The following PHTF1 variants were observed in gnomAD, a reference collection of about 807,000 sequenced individuals.
PHTF1 encodes putative homeodomain transcription factor 1.
A neutral mutation model predicts 102.4 loss-of-function variants in PHTF1; 88 were observed. The ratio of observed to expected loss-of-function variants is 0.86; its 90% CI spans 0.72 to 1.03. PHTF1 has a LOEUF of 1.03. Among genes scored for constraint, PHTF1 ranks in the 50% least tolerant of loss-of-function variants. The probability of loss-of-function intolerance (pLI) is 0.00; values close to 1 mark genes in which losing one functional copy is unlikely to be tolerated. For synonymous variants in PHTF1, 289 were observed against 305.2 expected (o/e 0.95, Z 0.55); for missense variants, 814 against 909.5 (o/e 0.89, Z 1.35).
intron 6 of PHTF1, 148 bp from the exon 7 acceptor site, chr1:113,725,041 A>C: frequency 1.7e-6 from 1 of 589,790 alleles, no homozygotes; most frequent in South Asian, 2.9e-5. Context: ...CTATGCAAGA[A>C]CTTTCTGATT....
chr1:113,709,485 A>G (rs933265222), intron 11 of PHTF1, among the ~76,000 whole-genome samples: 1 of 152,232 alleles, frequency 6.6e-6, no homozygotes, highest in African/African-American at 2.4e-5. Context: ...AGCAACTGAA[A>G]GGTTGATAAG....
intron 3 of PHTF1, among the ~76,000 whole-genome samples, chr1:113,739,115 A>G (rs1328689360): frequency 1.3e-5 from 2 of 152,130 alleles, no homozygotes; most frequent in Non-Finnish European, 2.9e-5. Flanking sequence ...GGCCTCCCAA[A>G]AGTCTGGAAT....
rs765465682 is a variant in PHTF1 at position 113,724,836 on chromosome 1, A to G, written c.546T>C (p.Ser182=). 7 of 1,610,870 alleles carry G rather than the reference A, an allele frequency of 4.3e-6. No homozygotes were observed. The highest frequency in any genetic ancestry group is 1.1e-5 in the South Asian group (1 of 90,440). ...DGSRENGNNS[S]DKVRGIETLE... is the part of the protein sequence containing the mutation. Reference sequence around the variant, plus strand: ...AAGTTTCTATTCCTCTGACTTTATCAGAGGAGTTATTTCCATTTTCTCGGC... The same window carrying G: ...AAGTTTCTATTCCTCTGACTTTATCGGAGGAGTTATTTCCATTTTCTCGGC... The change falls in exon 7 of 19, where the codon TCT becomes TCC. Residue 182 remains serine (S), a synonymous_variant. Transcript: ENST00000369604.
Position 113,704,271 on chromosome 1 carries a change from G to A in PHTF1, c.1804-104C>T, listed in dbSNP as rs1020156293. Reference sequence around the variant, plus strand: ...TGTACTACATTCGTGTGAAAATAATGTTTATAAGAAGTTTCTGAGATAGGA... The same window carrying A: ...TGTACTACATTCGTGTGAAAATAATATTTATAAGAAGTTTCTGAGATAGGA... On this transcript the variant is annotated intron_variant, in intron 14 of 18. Coordinates refer to ENST00000369604, the MANE Select transcript of PHTF1 (RefSeq NM_001323043.2). The A allele has an allele frequency of 6.6e-6, 4 of 602,426 alleles. 1 individual carries two copies. Among genetic ancestry groups the A allele is most frequent in the Admixed American group, 6.6e-5 (2 of 30,510 alleles). 37.3% of individuals were successfully genotyped at this position (602,426 alleles called of 1,614,324 possible).
chr1:113,715,615 T>C (rs991159017), intron 7 of PHTF1, among the ~76,000 whole-genome samples: 2 of 113,448 alleles, frequency 1.8e-5, no homozygotes, highest in Middle Eastern at 9.8e-3. Flanking sequence ...ACCATTGCAC[T>C]TCAACCTGAG....
rs180951765 is a variant in PHTF1 at position 113,707,281 on chromosome 1, G to A, written c.1270-559C>T. The stretch of plus-strand genomic sequence containing the variant: ...TTAAGTCTGTTTCTGGTCTAACCAG[G>A]ACACAAAATTAGTGAGGCTTAGAAA... On this transcript the variant is annotated intron_variant, in intron 11 of 18. Coordinates refer to ENST00000369604, the MANE Select transcript of PHTF1 (RefSeq NM_001323043.2). Among the ~76,000 whole-genome samples, 19 of 152,242 alleles carry A rather than the reference G, an allele frequency of 1.2e-4. No individual in the cohort carries two copies. In the East Asian group the frequency reaches 2.3e-3, roughly 19 times the overall value.
Position 113,704,149 on chromosome 1 carries a change from A to C in PHTF1, c.1822T>G (p.Ser608Ala). Reference protein sequence around the residue: ...SYLKRRGPQRSVDVVVSSVFL... With the variant: ...SYLKRRGPQRAVDVVVSSVFL... ...ACCGAGGATACAACCACATCAACTG[A>C]ACGCTGTGGCCCCCGTCTCTGTGGA... The change falls in exon 15 of 19, where the codon TCA (serine) becomes GCA (alanine). Residue 608 changes from serine to alanine, a missense_variant. Physicochemically the swap from Ser to Ala is moderately conservative, Grantham distance 99. Coordinates refer to ENST00000369604, the MANE Select transcript of PHTF1 (RefSeq NM_001323043.2). 1 of 1,612,414 alleles carries C rather than the reference A, an allele frequency of 6.2e-7. No homozygotes were observed.
Position 113,759,144 on chromosome 1 carries a change from G to T in PHTF1, c.-152C>A. On this transcript the variant is annotated 5_prime_UTR_variant, in exon 1 of 19. Coordinates refer to ENST00000369604, the MANE Select transcript of PHTF1 (RefSeq NM_001323043.2). ...GGCCGCATCTTCCCCTCCAGGCGGAGACGCCGGAGAGGCCGTTACCATGGA... is the reference window on the plus strand; with the variant it reads ...GGCCGCATCTTCCCCTCCAGGCGGATACGCCGGAGAGGCCGTTACCATGGA... 1 of 936,700 alleles carries T rather than the reference G, an allele frequency of 1.1e-6. No individual in the cohort carries two copies. The highest frequency in any genetic ancestry group is 1.3e-6 in the Non-Finnish European group (1 of 784,830). The allele number at this position is 936,700 out of a possible 1,614,324, so 58.0% of individuals were successfully genotyped here.
rs966674251 is a variant in PHTF1 at position 113,759,007 on chromosome 1, C to G, written c.-31+16G>C. The G allele has an allele frequency of 3.8e-6, 4 of 1,060,682 alleles. No individual in the cohort carries two copies. The highest frequency in any genetic ancestry group is 5.5e-5 in the Admixed American group (1 of 18,344). The allele number at this position is 1,060,682 out of a possible 1,614,324, so 65.7% of individuals were successfully genotyped here. On this transcript the variant is annotated intron_variant, in intron 1 of 18. Transcript: ENST00000369604. ...CCGGCACCCGCCTCCTTCGCTCGCC[C>G]GCGTCCGGCTCTCACCTAGTGCCCG... is the stretch of plus-strand genomic sequence containing the variant.
At position 113,705,097 on chromosome 1, in the gene PHTF1, T is replaced by C. The variant is rs183740277; in HGVS notation, c.1672-300A>G. Among the ~76,000 whole-genome samples, 1,207 of 152,326 alleles carry C rather than the reference T, an allele frequency of 7.9e-3. 21 individuals carry two copies. Among genetic ancestry groups the C allele is most frequent in the Non-Finnish European group, 8.1e-3 (548 of 68,022 alleles). ...GGATCCACTACTTCACAAACTCAAA[T>C]GTTTATACATGATTCTGGCTTATTC... On this transcript the variant is annotated intron_variant, in intron 13 of 18. Transcript: ENST00000369604.
At chr1:113,732,141 C>T (rs1654750609) in intron 5 of PHTF1, among the ~76,000 whole-genome samples, 1 of 152,010 alleles carries the variant, frequency 6.6e-6, no homozygotes, top group South Asian at 2.1e-4. Flanking sequence ...TAAAATAATG[C>T]TAACCTATTT....
Position 113,697,621 on chromosome 1 carries a change from A to G in PHTF1, c.*84T>C. The G allele has an allele frequency of 1.1e-6, 1 of 927,772 alleles. No homozygotes were observed. The highest frequency in any genetic ancestry group is 1.8e-6 in the Non-Finnish European group (1 of 563,872). 57.5% of individuals were successfully genotyped at this position (927,772 alleles called of 1,614,324 possible). A position where few individuals can be genotyped will look rare whatever the true frequency, so the allele number is the denominator to read the frequency against. Reference sequence around the variant, plus strand: ...TGTGCATGTGAACAAGCAGGTGGGTATCTCACTGGTTTCTGCAGTCATCAC... The same window carrying G: ...TGTGCATGTGAACAAGCAGGTGGGTGTCTCACTGGTTTCTGCAGTCATCAC... On this transcript the variant is annotated 3_prime_UTR_variant, in exon 19 of 19. Coordinates refer to ENST00000369604, the MANE Select transcript of PHTF1 (RefSeq NM_001323043.2).
chr1:113,730,672 A>T (rs1654503670), intron 5 of PHTF1, among the ~76,000 whole-genome samples: 1 of 152,256 alleles, frequency 6.6e-6, no homozygotes, highest in African/African-American at 2.4e-5. Context: ...TGTGACAGCA[A>T]AAACCACTTA....
intron 7 of PHTF1, among the ~76,000 whole-genome samples, chr1:113,721,833 G>A (rs1267614245): frequency 2.0e-5 from 3 of 151,762 alleles, no homozygotes; most frequent in African/African-American, 7.3e-5. Context: ...GGGACTACAG[G>A]TGCCCGCCAC....
intron 5 of PHTF1, among the ~76,000 whole-genome samples, chr1:113,728,685 G>C (rs1322010256): frequency 6.6e-6 from 1 of 152,218 alleles, no homozygotes; most frequent in East Asian, 1.9e-4. Context: ...AAAGTGAGCA[G>C]ATCACTTGAG....
At chr1:113,707,625 A>C (rs1650409999) in intron 11 of PHTF1, among the ~76,000 whole-genome samples, 1 of 152,230 alleles carries the variant, frequency 6.6e-6, no homozygotes, top group Non-Finnish European at 1.5e-5. Context: ...CATGCTTAGC[A>C]TAATGCCAAC....
intron 7 of PHTF1, among the ~76,000 whole-genome samples, chr1:113,719,711 C>T (rs1453278493): frequency 6.6e-6 from 1 of 152,208 alleles, no homozygotes; most frequent in Non-Finnish European, 1.5e-5. Context: ...CAAACTGTTC[C>T]AACCTCTGCC....
At chr1:113,698,411 A>C (rs1649038360) in intron 17 of PHTF1, 24 bp from the exon 18 acceptor site, 1 of 1,608,100 alleles carries the variant, frequency 6.2e-7, no homozygotes, top group East Asian at 2.2e-5. Context: ...CAAAGAATTG[A>C]AATGAGATAC....
At chr1:113,698,182 CACACACGT>C in intron 18 of PHTF1, 72 bp downstream of exon 18, 1 of 742,100 alleles carries the variant, frequency 1.3e-6, no homozygotes, top group South Asian at 2.0e-5. Context: ...CACACACACA[CACACACGT>C]GTGAAGAACA....
Sources: allele counts gnomAD v4.1 joint callset (sites outside exome capture counted in the v4.1 genomes callset), GRCh38; gene constraint gnomAD v4.1.1; transcripts MANE v1.5; gene names NCBI Gene and HGNC (gene_info 2026-07-23, HGNC 2026-07-21).